FMNL2: variants seen among roughly 807,000 people sequenced by gnomAD.
FMNL2 encodes the protein formin-like protein 2.
A neutral mutation model predicts 130.2 loss-of-function variants in FMNL2; 51 were observed. The ratio of observed to expected loss-of-function variants is 0.39; its 90% CI spans 0.31 to 0.49. The LOEUF is 0.49. Ranked by LOEUF, FMNL2 falls within the 20% of genes least tolerant of loss-of-function variation. The pLI is 0.85. For missense variants in FMNL2, 977 were observed against 1,316.2 expected, an observed-to-expected ratio of 0.74 and a Z score of 3.99; for synonymous variants, 465 against 467.1, an observed-to-expected ratio of 1.00 and a Z score of 0.06.
Position 152,580,016 on chromosome 2 carries a change from G to A in FMNL2, c.783-940G>A, listed in dbSNP as rs181946443. Among the ~76,000 whole-genome samples the A allele has an allele frequency of 4.9e-3, 739 of 152,280 alleles. 4 individuals are homozygous for A. The highest frequency in any genetic ancestry group is 8.2e-3 in the Non-Finnish European group (560 of 68,028). On this transcript the variant is annotated intron_variant, in intron 8 of 25. Coordinates refer to ENST00000288670, the MANE Select transcript of FMNL2 (RefSeq NM_052905.4). ...CACGAACTATCAAGTCCTCTTTACT[G>A]AATATTATTCTTTCAAACTTCCCCT...
intron 1 of FMNL2, among the ~76,000 whole-genome samples, chr2:152,431,117 C>CT (rs1355974846): frequency 6.6e-6 from 1 of 152,032 alleles, no homozygotes; most frequent in Non-Finnish European, 1.5e-5. Context: ...AATAATGGTT[C>CT]TTTTTAAGGC....
intron 1 of FMNL2, among the ~76,000 whole-genome samples, chr2:152,475,838 A>G (rs753783080): frequency 5.3e-5 from 8 of 152,148 alleles, no homozygotes; most frequent in Non-Finnish European, 7.4e-5. Context: ...AAAAAAAGGC[A>G]AGTTGGTGAG....
intron 1 of FMNL2, among the ~76,000 whole-genome samples, chr2:152,406,469 T>C (rs1248567173): frequency 6.6e-6 from 1 of 152,216 alleles, no homozygotes; most frequent in African/African-American, 2.4e-5. Flanking sequence ...ATGGGCTTCT[T>C]CCCCTTTTGA....
intron 1 of FMNL2, among the ~76,000 whole-genome samples, chr2:152,417,877 A>G (rs775504286): frequency 9.2e-4 from 140 of 152,252 alleles, no homozygotes; most frequent in South Asian, 2.3e-3. Flanking sequence ...CTGTTTGCCC[A>G]GGCTGGAGTG....
At chr2:152,484,621 A>T (rs1690715551) in intron 1 of FMNL2, among the ~76,000 whole-genome samples, 2 of 152,142 alleles carry the variant, frequency 1.3e-5, no homozygotes, top group African/African-American at 4.8e-5. Context: ...AACTTAAAAA[A>T]TTAGCCGAGC....
intron 11 of FMNL2, 115 bp from the exon 12 acceptor site, chr2:152,614,736 C>CTG: frequency 1.4e-6 from 1 of 716,278 alleles, no homozygotes; most frequent in Non-Finnish European, 2.0e-6. Context: ...GAGTGAAACT[C>CTG]CATCTCAAAA....
At chr2:152,559,752 C>A (rs79364902) in intron 5 of FMNL2, among the ~76,000 whole-genome samples, 1 of 152,128 alleles carries the variant, frequency 6.6e-6, no homozygotes, top group African/African-American at 2.4e-5. Flanking sequence ...ATGCCCTCCT[C>A]GTCTTACCTT....
intron 6 of FMNL2, among the ~76,000 whole-genome samples, chr2:152,569,561 G>A (rs1244969749): frequency 1.3e-5 from 2 of 151,734 alleles, no homozygotes; most frequent in African/African-American, 4.8e-5. Flanking sequence ...GCCACCCGTG[G>A]TCTTAGCTCC....
At chr2:152,452,881 C>G (rs1688723134) in intron 1 of FMNL2, among the ~76,000 whole-genome samples, 2 of 147,230 alleles carry the variant, frequency 1.4e-5, no homozygotes, top group East Asian at 1.9e-4. Flanking sequence ...CAGAGTTAAG[C>G]CTCAGTGTGG....
chr2:152,646,660 G>A (rs541970176), intron 25 of FMNL2, among the ~76,000 whole-genome samples: 16 of 152,304 alleles, frequency 1.1e-4, no homozygotes, highest in Admixed American at 9.8e-4. Flanking sequence ...AACTTGTTGA[G>A]TAGATAAAGG....
chr2:152,640,864 A>G lies in FMNL2; in HGVS notation c.3119A>G (p.Asn1040Ser), dbSNP rs1433611970. 1 of 1,613,938 alleles carries G rather than the reference A, an allele frequency of 6.2e-7. No individual in the cohort carries two copies. The highest frequency in any genetic ancestry group is 2.2e-5 in the East Asian group (1 of 44,884). Reference protein sequence around the residue: ...AELRRRQVKDNRHVYEGKDGA... With the variant: ...AELRRRQVKDSRHVYEGKDGA... ...TTAAGAAGACGACAAGTTAAAGATA[A>G]CAGACATGTATATGAGGGAAAAGAT... The change falls in exon 25 of 26, where the codon AAC becomes AGC. Residue 1040 changes from asparagine (N) to serine (S), a missense_variant. Physicochemically the swap from Asn to Ser is conservative, Grantham distance 46. This residue lies in a region of FMNL2 where 168 missense variants were observed against 168.8 expected (regional missense o/e 1.00). Transcript: ENST00000288670.
intron 1 of FMNL2, among the ~76,000 whole-genome samples, chr2:152,384,448 A>G (rs1417096270): frequency 6.6e-6 from 1 of 152,148 alleles, no homozygotes; most frequent in African/African-American, 2.4e-5. Context: ...GGGCTAGGCC[A>G]TGGAATGACT....
intron 1 of FMNL2, among the ~76,000 whole-genome samples, chr2:152,420,728 G>T (rs1157517824): frequency 6.6e-6 from 1 of 151,856 alleles, no homozygotes; most frequent in Non-Finnish European, 1.5e-5. Context: ...AAAGAGAAAA[G>T]TGATTTGAAT....
chr2:152,412,846 C>A (rs539063111), intron 1 of FMNL2, among the ~76,000 whole-genome samples: 3 of 152,108 alleles, frequency 2.0e-5, no homozygotes, highest in Admixed American at 6.6e-5. Flanking sequence ...ATTTCCATAT[C>A]TTTTCTTAAC....
chr2:152,482,915 C>T (rs963484611), intron 1 of FMNL2, among the ~76,000 whole-genome samples: 7 of 151,944 alleles, frequency 4.6e-5, no homozygotes, highest in Non-Finnish European at 7.4e-5. Context: ...TTTCCTAGGC[C>T]TCTTGTAGGC....
chr2:152,405,965 T>C (rs1449989847), intron 1 of FMNL2, among the ~76,000 whole-genome samples: 1 of 152,262 alleles, frequency 6.6e-6, no homozygotes, highest in Non-Finnish European at 1.5e-5. Context: ...TAGGGGGATG[T>C]AGAAGAGTAA....
chr2:152,500,501 G>A (rs1000613310), intron 1 of FMNL2, among the ~76,000 whole-genome samples: 2 of 152,100 alleles, frequency 1.3e-5, no homozygotes, highest in Non-Finnish European at 2.9e-5. Flanking sequence ...GCTGTCAACC[G>A]CAGCAAATAG....
Position 152,433,451 on chromosome 2 carries a change from G to C in FMNL2, c.118-88492G>C, listed in dbSNP as rs144461042. On this transcript the variant is annotated intron_variant, in intron 1 of 25. Transcript: ENST00000288670. ...GAAGTTGGCATTATTCTGGAGGATA[G>C]AAAATCAACCCAACTTCTCTTCTCT... 7.0e-4 allele frequency among the ~76,000 whole-genome samples: 106 copies of C among 152,108 alleles called. 4 individuals are homozygous for C. The East Asian group carries it at 0.019, about 27-fold the overall frequency.
At chr2:152,527,940 G>T (rs73968060) in intron 2 of FMNL2, among the ~76,000 whole-genome samples, 1 of 152,090 alleles carries the variant, frequency 6.6e-6, no homozygotes, top group African/African-American at 2.4e-5. Flanking sequence ...ATGAGGAAGT[G>T]CATGCAAAAG....
Sources: allele counts gnomAD v4.1 joint callset (sites outside exome capture counted in the v4.1 genomes callset), GRCh38; gene constraint gnomAD v4.1.1; regional missense constraint gnomAD v4.1.1; transcripts MANE v1.5; gene names NCBI Gene and HGNC (gene_info 2026-07-23, HGNC 2026-07-21).